Variants in PTGFR observed in about 807,000 individuals in gnomAD.
The protein encoded by PTGFR is prostaglandin F2-alpha receptor.
Under a neutral mutation model 26.2 loss-of-function variants are expected in PTGFR, and 15 were observed. That is an observed-to-expected ratio of 0.57 (90% confidence interval 0.38 to 0.88). The LOEUF (loss-of-function observed/expected upper bound fraction) is 0.88. Ranked by LOEUF, PTGFR falls within the 40% of genes least tolerant of loss-of-function variation. The pLI is 0.00. For synonymous variants in PTGFR, 165 were observed against 151.1 expected, an observed-to-expected ratio of 1.09 and a Z score of -0.68; for missense variants, 369 against 427.2, an observed-to-expected ratio of 0.86 and a Z score of 1.20.
intron 2 of PTGFR, among the ~76,000 whole-genome samples, chr1:78,521,389 T>C (rs1650238185): frequency 6.6e-6 from 1 of 152,152 alleles, no homozygotes; most frequent in Non-Finnish European, 1.5e-5. Context: ...TTATTGCCTG[T>C]GCCATTCTGA....
Position 78,492,816 on chromosome 1 carries a change from G to A in PTGFR, c.73G>A (p.Glu25Lys). Residue 25 changes from glutamate to lysine, a missense_variant, in exon 2 of 3, where the codon GAA becomes AAA. Glu to Lys is a moderately conservative substitution (Grantham distance 56). Transcript: ENST00000370757. ...TCTTTCAAACACAACCTGCCAGACG[G>A]AAAACCGGCTTTCCGTATTTTTTTC... Reference protein sequence around the residue: ...ALLSNTTCQTENRLSVFFSVI... With the variant: ...ALLSNTTCQTKNRLSVFFSVI... 6.2e-7 allele frequency: 1 copy of A among 1,614,184 alleles called. No individual in the cohort carries two copies. The highest frequency in any genetic ancestry group is 8.5e-7 in the Non-Finnish European group (1 of 1,180,036).
chr1:78,540,057 A>C lies in PTGFR; in HGVS notation c.*3370A>C, dbSNP rs1003450573. ...TCCAAATTACAGCGCCATAAACTTC[A>C]CAAAAGTTTGTATCTCCCACATGGT... On this transcript the variant is annotated 3_prime_UTR_variant, in exon 3 of 3. Coordinates refer to ENST00000370757, the MANE Select transcript of PTGFR (RefSeq NM_000959.4). 1.3e-4 allele frequency among the ~76,000 whole-genome samples: 20 copies of C among 152,004 alleles called. No homozygotes were observed. The highest frequency in any genetic ancestry group is 7.7e-4 in the East Asian group (4 of 5,182).
intron 2 of PTGFR, among the ~76,000 whole-genome samples, chr1:78,510,460 A>G (rs1423381038): frequency 1.3e-5 from 2 of 152,160 alleles, no homozygotes; most frequent in African/African-American, 4.8e-5. Flanking sequence ...CTGTTAAACA[A>G]GCAGATCTCA....
intron 2 of PTGFR, among the ~76,000 whole-genome samples, chr1:78,512,551 C>G (rs939127648): frequency 1.3e-5 from 2 of 152,114 alleles, no homozygotes; most frequent in South Asian, 4.1e-4. Context: ...AGAAATTACT[C>G]ATTACCATCT....
intron 2 of PTGFR, among the ~76,000 whole-genome samples, chr1:78,507,674 T>C (rs1649860280): frequency 6.6e-6 from 1 of 152,204 alleles, no homozygotes; most frequent in African/African-American, 2.4e-5. Flanking sequence ...AAAAGTTATG[T>C]AGAATTTGAT....
At chr1:78,500,674 A>C (rs1026769516) in intron 2 of PTGFR, among the ~76,000 whole-genome samples, 1 of 152,180 alleles carries the variant, frequency 6.6e-6, no homozygotes, top group East Asian at 1.9e-4. Flanking sequence ...CCCAAAGTCT[A>C]TTGCCTCCAG....
intron 2 of PTGFR, among the ~76,000 whole-genome samples, chr1:78,515,486 C>T (rs1032662322): frequency 3.3e-5 from 5 of 152,172 alleles, no homozygotes; most frequent in Admixed American, 2.0e-4. Flanking sequence ...CATGGCTTCA[C>T]GTGAAGTGTA....
At chr1:78,519,213 T>G (rs1002318726) in intron 2 of PTGFR, among the ~76,000 whole-genome samples, 1 of 152,174 alleles carries the variant, frequency 6.6e-6, no homozygotes, top group African/African-American at 2.4e-5. Context: ...AAGTCTATAC[T>G]TGAACCTCTC....
intron 2 of PTGFR, among the ~76,000 whole-genome samples, chr1:78,524,648 CA>C (rs1246234663): frequency 2.0e-5 from 3 of 152,012 alleles, no homozygotes; most frequent in Non-Finnish European, 2.9e-5. Flanking sequence ...TTGGGAATCA[CA>C]GTGTAATTTT....
In PTGFR at chr1:78,492,904, C is replaced by G. The variant is rs1447095803; in HGVS notation, c.161C>G (p.Ala54Gly). The change falls in exon 2 of 3, where the codon GCA becomes GGA. Residue 54 changes from alanine to glycine, a missense_variant. Coordinates refer to ENST00000370757, the MANE Select transcript of PTGFR (RefSeq NM_000959.4). The part of the protein sequence containing the change: ...NSLAIAILMK[A>G]YQRFRQKSKA... ...CTTGCCATCGCCATTCTCATGAAGG[C>G]ATATCAGAGATTTAGACAGAAGTCC... The G allele has an allele frequency of 6.2e-7, 1 of 1,614,246 alleles. No homozygotes were observed. The highest frequency in any genetic ancestry group is 1.1e-5 in the South Asian group (1 of 91,088).
intron 2 of PTGFR, among the ~76,000 whole-genome samples, chr1:78,526,618 C>T (rs1650380418): frequency 6.6e-6 from 1 of 151,996 alleles, no homozygotes. Context: ...ATATAGCTCT[C>T]AAGAATGAAC....
At chr1:78,530,077 G>T (rs1455314482) in intron 2 of PTGFR, among the ~76,000 whole-genome samples, 3 of 151,982 alleles carry the variant, frequency 2.0e-5, no homozygotes, top group Non-Finnish European at 4.4e-5. Context: ...AAGAACTACT[G>T]AAATGAAAAT....
intron 2 of PTGFR, among the ~76,000 whole-genome samples, chr1:78,502,650 A>G (rs1369535703): frequency 6.6e-6 from 1 of 152,150 alleles, no homozygotes; most frequent in Non-Finnish European, 1.5e-5. Context: ...AAGACACGTT[A>G]AAATTATTAA....
chr1:78,504,112 C>T (rs1438368615), intron 2 of PTGFR, among the ~76,000 whole-genome samples: 1 of 151,974 alleles, frequency 6.6e-6, no homozygotes, highest in Non-Finnish European at 1.5e-5. Context: ...GACGTCTTCT[C>T]CTTTATTGAG....
chr1:78,534,888 T>C (rs72933668), intron 2 of PTGFR, among the ~76,000 whole-genome samples: 6,320 of 152,278 alleles, frequency 0.042, 419 homozygotes, highest in African/African-American at 0.15. Context: ...TTATTACTAA[T>C]ATACTAATGA....
chr1:78,522,119 T>A (rs1650256916), intron 2 of PTGFR, among the ~76,000 whole-genome samples: 1 of 151,980 alleles, frequency 6.6e-6, no homozygotes, highest in African/African-American at 2.4e-5. Flanking sequence ...AGATCTGAGG[T>A]CCTTGTTTCC....
chr1:78,520,833 T>A (rs555134308), intron 2 of PTGFR, among the ~76,000 whole-genome samples: 5 of 152,114 alleles, frequency 3.3e-5, no homozygotes, highest in Non-Finnish European at 4.4e-5. Flanking sequence ...TAGGTATATA[T>A]GCTTTAATTG....
At chr1:78,510,795 C>T (rs573212446) in intron 2 of PTGFR, among the ~76,000 whole-genome samples, 2 of 152,240 alleles carry the variant, frequency 1.3e-5, no homozygotes, top group Non-Finnish European at 2.9e-5. Flanking sequence ...TTCCTTCCAC[C>T]TATGAGCCTG....
chr1:78,536,425 G>T lies in PTGFR; in HGVS notation c.818G>T (p.Gly273Val). Reference protein sequence around the residue: ...SPFLVTMANIGINGNHSLETC... With the variant: ...SPFLVTMANIVINGNHSLETC... Reference sequence around the variant, plus strand: ...TTCTAGGTTACAATGGCCAACATTGGAATAAATGGAAATCATTCTCTGGAA... The same window carrying T: ...TTCTAGGTTACAATGGCCAACATTGTAATAAATGGAAATCATTCTCTGGAA... Residue 273 changes from glycine to valine, a missense_variant, in exon 3 of 3, where the codon GGA becomes GTA. Gly to Val is a moderately radical substitution (Grantham distance 109, BLOSUM62 -3). Transcript: ENST00000370757. 6.2e-7 allele frequency: 1 copy of T among 1,611,824 alleles called. No homozygotes were observed. The highest frequency in any genetic ancestry group is 1.7e-4 in the Middle Eastern group (1 of 6,044).
Sources: allele counts gnomAD v4.1 joint callset (sites outside exome capture counted in the v4.1 genomes callset), GRCh38; gene constraint gnomAD v4.1.1; transcripts MANE v1.5; gene names NCBI Gene and HGNC (gene_info 2026-07-23, HGNC 2026-07-21).